Variants in PDK1 observed in about 807,000 individuals in gnomAD.
PDK1 encodes the protein [Pyruvate dehydrogenase (acetyl-transferring)] kinase isozyme 1, mitochondrial.
In PDK1, 39 loss-of-function variants were observed where a neutral mutation model predicts 54.2. The ratio of observed to expected loss-of-function variants is 0.72; its 90% CI spans 0.56 to 0.94. The LOEUF is 0.94. Ranked by LOEUF, PDK1 falls within the 40% of genes least tolerant of loss-of-function variation. PDK1 has a pLI of 0.00. For missense variants in PDK1, 552 were observed against 566.0 expected (o/e 0.98, Z 0.25); for synonymous variants, 221 against 207.1 (o/e 1.07, Z -0.58).
Position 172,608,017 on chromosome 2 carries a change from A to G in PDK1, c.*12048A>G, listed in dbSNP as rs1325986227. The G allele has an allele frequency of 6.6e-6, 1 of 152,230 alleles. No homozygotes were observed. Among genetic ancestry groups the G allele is most frequent in the Non-Finnish European group, 1.5e-5 (1 of 68,044 alleles). The allele number at this position is 152,230 out of a possible 1,614,324, so 9.4% of individuals were successfully genotyped here. Reference sequence around the variant, plus strand: ...TGTAGTAAAAGGTAAAAATCTGAATAATAAAGTTTATTAATAACAGTTTTA... The same window carrying G: ...TGTAGTAAAAGGTAAAAATCTGAATGATAAAGTTTATTAATAACAGTTTTA... On this transcript the variant is annotated 3_prime_UTR_variant, in exon 11 of 11. Transcript: ENST00000282077.
the PDK1 span, among the ~76,000 whole-genome samples, chr2:172,669,948 G>A: frequency 6.6e-6 from 1 of 151,896 alleles, no homozygotes; most frequent in African/African-American, 2.4e-5. Flanking sequence ...TCCATCTGTG[G>A]GTTGCCTCTT....
At position 172,599,110 on chromosome 2, in the gene PDK1, A is replaced by C. The variant is rs941872820; in HGVS notation, c.*3141A>C. ...ATCTTCTGTTGTGTGCTTTTCAAAC[A>C]CTGTAAATAAATTTGAAATTTGAAT... On this transcript the variant is annotated 3_prime_UTR_variant, in exon 11 of 11. Coordinates refer to ENST00000282077, the MANE Select transcript of PDK1 (RefSeq NM_002610.5). The C allele has an allele frequency of 7.2e-5, 11 of 151,754 alleles. No individual in the cohort carries two copies. The highest frequency in any genetic ancestry group is 2.2e-4 in the African/African-American group (9 of 41,262). The allele number at this position is 151,754 out of a possible 1,614,324, so 9.4% of individuals were successfully genotyped here. A position where few individuals can be genotyped will look rare whatever the true frequency, so the allele number is the denominator to read the frequency against.
the PDK1 span, among the ~76,000 whole-genome samples, chr2:172,634,749 T>C: frequency 1.4e-5 from 2 of 146,336 alleles, no homozygotes; most frequent in Non-Finnish European, 3.0e-5. Context: ...ATCTCTTGAT[T>C]AAGGCAATCT....
chr2:172,654,628 G>T, the PDK1 span, among the ~76,000 whole-genome samples: 13 of 151,816 alleles, frequency 8.6e-5, no homozygotes, highest in African/African-American at 2.2e-4. Context: ...GGGGCTGGGG[G>T]AGGAATAGCA....
At chr2:172,699,478 CT>C in the PDK1 span, among the ~76,000 whole-genome samples, 30,901 of 130,056 alleles carry the variant, frequency 0.24, 3,467 homozygotes, top group African/African-American at 0.31. Context: ...CCTCATCTGA[CT>C]TTTTTTTTTT....
the PDK1 span, among the ~76,000 whole-genome samples, chr2:172,694,100 C>T: frequency 1.3e-5 from 2 of 152,200 alleles, no homozygotes; most frequent in Admixed American, 6.5e-5. Context: ...GGCCGGGAGA[C>T]AGGGAGGGCA....
the PDK1 span, among the ~76,000 whole-genome samples, chr2:172,673,734 A>C: frequency 6.6e-6 from 1 of 152,226 alleles, no homozygotes; most frequent in South Asian, 2.1e-4. Context: ...ATAAAAGGCC[A>C]AAAATTAAGT....
the PDK1 span, among the ~76,000 whole-genome samples, chr2:172,689,746 G>T: frequency 7.3e-6 from 1 of 137,356 alleles, no homozygotes; most frequent in Non-Finnish European, 1.6e-5. Context: ...ACAAGAAATG[G>T]GCAAAAGATT....
At chr2:172,558,608 TG>T in intron 1 of PDK1, 99 bp from the exon 2 acceptor site, 1 of 1,058,890 alleles carries the variant, frequency 9.4e-7, no homozygotes, top group Non-Finnish European at 1.4e-6. Context: ...TCTATCCCTC[TG>T]GCCTTGCCGG....
chr2:172,713,732 G>A, the PDK1 span, among the ~76,000 whole-genome samples: 1 of 152,244 alleles, frequency 6.6e-6, no homozygotes, highest in Non-Finnish European at 1.5e-5. Flanking sequence ...GCACAGGGAT[G>A]CCCAGGTCCT....
At chr2:172,587,846 A>G (rs1381727950) in intron 9 of PDK1, among the ~76,000 whole-genome samples, 2 of 152,044 alleles carry the variant, frequency 1.3e-5, no homozygotes, top group Non-Finnish European at 1.5e-5. Flanking sequence ...TGCATTTACA[A>G]TCCTTTAGCT....
At chr2:172,587,653 C>G (rs554138917) in intron 9 of PDK1, among the ~76,000 whole-genome samples, 1 of 149,590 alleles carries the variant, frequency 6.7e-6, no homozygotes, top group Non-Finnish European at 1.5e-5. Context: ...AGTGGCTTGC[C>G]GCTGCTGGCT....
intron 1 of PDK1, 102 bp downstream of exon 1, chr2:172,556,448 G>A (rs1263636418): frequency 2.5e-6 from 2 of 804,058 alleles, no homozygotes; most frequent in African/African-American, 3.6e-5. Context: ...CTCGCCTGAG[G>A]CGCACCCCTC....
chr2:172,643,635 G>T, the PDK1 span, among the ~76,000 whole-genome samples: 1 of 152,148 alleles, frequency 6.6e-6, no homozygotes, highest in Non-Finnish European at 1.5e-5. Context: ...CCAAGGGGCA[G>T]CTGCTTGTTG....
intron 2 of PDK1, among the ~76,000 whole-genome samples, chr2:172,561,078 T>A (rs1015405594): frequency 1.3e-5 from 2 of 152,166 alleles, no homozygotes; most frequent in African/African-American, 4.8e-5. Flanking sequence ...TAGTTATAAG[T>A]GTGGATTAAA....
At chr2:172,564,460 C>T (rs1688825748) in intron 3 of PDK1, 43 bp from the exon 4 acceptor site, 1 of 1,505,690 alleles carries the variant, frequency 6.6e-7, no homozygotes, top group African/African-American at 1.4e-5. Flanking sequence ...ATTAAGTTTA[C>T]TTGTCAAAAT....
chr2:172,638,979 G>A, the PDK1 span, among the ~76,000 whole-genome samples: 1 of 152,216 alleles, frequency 6.6e-6, no homozygotes, highest in African/African-American at 2.4e-5. Context: ...ACGACAAGGT[G>A]AGAGAGAAAC....
At position 172,580,856 on chromosome 2, in the gene PDK1, CA is replaced by C. The variant is rs1309902211; in HGVS notation, c.946-5418del. Among the ~76,000 whole-genome samples the C allele has an allele frequency of 2.0e-5, 3 of 151,602 alleles. 1 individual carries two copies. In the East Asian group the frequency reaches 5.8e-4, roughly 29 times the overall value. On this transcript the variant is annotated intron_variant, in intron 8 of 10. Coordinates refer to ENST00000282077, the MANE Select transcript of PDK1 (RefSeq NM_002610.5). ...TATGCTAAGTGAAAGAAGCCAATCA[CA>C]AAAGGCCACATATTATATGATATTA...
At chr2:172,629,222 C>T in the PDK1 span, among the ~76,000 whole-genome samples, 9 of 152,112 alleles carry the variant, frequency 5.9e-5, no homozygotes, top group African/African-American at 9.7e-5. Context: ...TGGTCCCCAG[C>T]GAGGGCCACA....
Sources: allele counts gnomAD v4.1 joint callset (sites outside exome capture counted in the v4.1 genomes callset), GRCh38; gene constraint gnomAD v4.1.1; transcripts MANE v1.5; gene names NCBI Gene and HGNC (gene_info 2026-07-23, HGNC 2026-07-21).